EDIL3: variants seen among roughly 807,000 people sequenced by gnomAD.
EDIL3 encodes the protein EGF like and discoidin domains 3.
A neutral mutation model predicts 67.4 loss-of-function variants in EDIL3; 37 were observed. The observed-to-expected ratio is 0.55, with a 90% confidence interval of 0.42 to 0.72. EDIL3 has a LOEUF of 0.72. Among genes scored for constraint, EDIL3 ranks in the 30% least tolerant of loss-of-function variants. The pLI is 0.00. For missense variants in EDIL3, 527 were observed against 586.3 expected (o/e 0.90, Z 1.04); for synonymous variants, 195 against 196.3 (o/e 0.99, Z 0.05).
intron 9 of EDIL3, among the ~76,000 whole-genome samples, chr5:83,988,990 C>A (rs1745103846): frequency 6.6e-6 from 1 of 152,042 alleles, no homozygotes; most frequent in African/African-American, 2.4e-5. Flanking sequence ...TATTTTTACA[C>A]CATTGAAAGA....
chr5:84,106,944 T>TA, intron 5 of EDIL3, 114 bp from the exon 6 acceptor site: 1 of 1,139,808 alleles, frequency 8.8e-7, no homozygotes, highest in Non-Finnish European at 1.2e-6. Flanking sequence ...ACCACCATGC[T>TA]ATTTACTCTT....
intron 9 of EDIL3, among the ~76,000 whole-genome samples, chr5:84,016,440 T>A (rs750494048): frequency 2.6e-5 from 4 of 152,184 alleles, no homozygotes; most frequent in Non-Finnish European, 4.4e-5. Flanking sequence ...TTCCCTATTG[T>A]GTTTTGTATA....
intron 2 of EDIL3, among the ~76,000 whole-genome samples, chr5:84,251,465 G>A (rs1745024989): frequency 6.7e-6 from 1 of 149,880 alleles, no homozygotes; most frequent in Non-Finnish European, 1.5e-5. Flanking sequence ...GTAATCTAAT[G>A]TTTGAAATAT....
chr5:84,123,287 G>T (rs348906), intron 5 of EDIL3, among the ~76,000 whole-genome samples: 107,262 of 151,734 alleles, frequency 0.71, 37,961 homozygotes, highest in Middle Eastern at 0.75. Flanking sequence ...AAAATTTTAA[G>T]CATTATTTTA....
At chr5:84,156,903 CATTT>C (rs1393791632) in intron 4 of EDIL3, among the ~76,000 whole-genome samples, 1 of 152,148 alleles carries the variant, frequency 6.6e-6, no homozygotes, top group Admixed American at 6.5e-5. Context: ...AACATATATT[CATTT>C]GAGACACTAG....
chr5:84,061,499 G>A (rs1220079264), intron 8 of EDIL3, among the ~76,000 whole-genome samples: 2 of 152,076 alleles, frequency 1.3e-5, no homozygotes, highest in African/African-American at 4.8e-5. Flanking sequence ...AACTCACAAG[G>A]TAAGTTTGAT....
intron 4 of EDIL3, among the ~76,000 whole-genome samples, chr5:84,173,711 G>C (rs1249256473): frequency 6.6e-6 from 1 of 152,188 alleles, no homozygotes; most frequent in Non-Finnish European, 1.5e-5. Context: ...CAGCACCTCT[G>C]TGGTGCCAGT....
intron 1 of EDIL3, among the ~76,000 whole-genome samples, chr5:84,257,735 T>G (rs1321468038): frequency 1.3e-5 from 2 of 152,140 alleles, no homozygotes; most frequent in African/African-American, 4.8e-5. Flanking sequence ...AGATGTAGAA[T>G]TAAAGAGCCT....
intron 3 of EDIL3, among the ~76,000 whole-genome samples, chr5:84,208,005 A>G (rs992959432): frequency 5.9e-5 from 9 of 151,726 alleles, no homozygotes; most frequent in African/African-American, 2.2e-4. Context: ...TTCATGTCTA[A>G]AACACCAAAA....
At chr5:84,146,146 T>C (rs1748287198) in intron 4 of EDIL3, among the ~76,000 whole-genome samples, 1 of 152,124 alleles carries the variant, frequency 6.6e-6, no homozygotes, top group Non-Finnish European at 1.5e-5. Flanking sequence ...AATTAGCACA[T>C]CCTTCCACTT....
intron 1 of EDIL3, among the ~76,000 whole-genome samples, chr5:84,277,019 T>C (rs1179324953): frequency 6.6e-6 from 1 of 152,222 alleles, no homozygotes; most frequent in East Asian, 1.9e-4. Flanking sequence ...TACATTGTTA[T>C]TCTGTAATCT....
At chr5:84,260,853 C>T (rs2112083969) in intron 1 of EDIL3, among the ~76,000 whole-genome samples, 1 of 152,228 alleles carries the variant, frequency 6.6e-6, no homozygotes, top group East Asian at 1.9e-4. Flanking sequence ...TAATATATCA[C>T]CACAGAATGT....
chr5:84,333,194 T>G (rs2112168192), intron 1 of EDIL3, among the ~76,000 whole-genome samples: 1 of 152,186 alleles, frequency 6.6e-6, no homozygotes. Context: ...TTACATACAT[T>G]TATAAACCAC....
chr5:84,303,826 G>C (rs200012057), intron 1 of EDIL3, among the ~76,000 whole-genome samples: 13,413 of 146,524 alleles, frequency 0.092, 745 homozygotes, highest in South Asian at 0.2. Flanking sequence ...GTGTGTGTGT[G>C]TGTGTGTGTG....
chr5:84,187,948 G>A (rs952760710), intron 3 of EDIL3, among the ~76,000 whole-genome samples: 9 of 151,946 alleles, frequency 5.9e-5, no homozygotes, highest in Non-Finnish European at 8.8e-5. Flanking sequence ...GAAGAAAGAC[G>A]TAAACTATTT....
chr5:83,971,375 C>T (rs558716852), intron 9 of EDIL3, among the ~76,000 whole-genome samples: 82 of 151,354 alleles, frequency 5.4e-4, no homozygotes, highest in African/African-American at 1.9e-3. Context: ...CTCCTAGGCT[C>T]AAGCCATCCT....
At chr5:84,355,935 T>C (rs533669616) in intron 1 of EDIL3, among the ~76,000 whole-genome samples, 1 of 152,294 alleles carries the variant, frequency 6.6e-6, no homozygotes, top group South Asian at 2.1e-4. Context: ...GAGTTTTAAT[T>C]ATAAGCCCCT....
At chr5:84,038,577 C>G (rs1489956486) in intron 9 of EDIL3, among the ~76,000 whole-genome samples, 1 of 152,102 alleles carries the variant, frequency 6.6e-6, no homozygotes, top group African/African-American at 2.4e-5. Flanking sequence ...GATAGCTCCC[C>G]CAAGGGAGTA....
At chr5:84,270,991 C>T (rs889328912) in intron 1 of EDIL3, among the ~76,000 whole-genome samples, 19 of 152,156 alleles carry the variant, frequency 1.2e-4, no homozygotes, top group African/African-American at 4.3e-4. Flanking sequence ...AGGGTTAATT[C>T]GTATGAGTTA....
Sources: gnomAD v4.1 joint callset for allele counts (sites outside exome capture counted in the v4.1 genomes callset) on GRCh38, gnomAD v4.1.1 for gene constraint, MANE v1.5 for transcripts, NCBI Gene and HGNC (gene_info 2026-07-23, HGNC 2026-07-21) for gene names.